METTL24: variants seen among roughly 807,000 people sequenced by gnomAD.
METTL24 encodes probable methyltransferase-like protein 24.
A neutral mutation model predicts 32.7 loss-of-function variants in METTL24; 29 were observed. That is an observed-to-expected ratio of 0.89 (90% CI 0.66 to 1.21). The LOEUF is 1.21. Among genes scored for constraint, METTL24 ranks in the 50% most tolerant of loss-of-function variants. METTL24 has a pLI of 0.00. For missense variants in METTL24, 439 were observed against 468.1 expected, an observed-to-expected ratio of 0.94 and a Z score of 0.57; for synonymous variants, 163 against 179.5, an observed-to-expected ratio of 0.91 and a Z score of 0.73.
intron 2 of METTL24, among the ~76,000 whole-genome samples, chr6:110,319,881 T>C (rs1771901287): frequency 6.6e-6 from 1 of 152,190 alleles, no homozygotes; most frequent in Non-Finnish European, 1.5e-5. Flanking sequence ...TCTCATGCCA[T>C]GCTGTCCTAT....
intron 4 of METTL24, 106 bp downstream of exon 4, chr6:110,298,816 G>A: frequency 2.2e-6 from 2 of 901,820 alleles, no homozygotes; most frequent in Non-Finnish European, 3.4e-6. Flanking sequence ...ATTAAAATCG[G>A]ACCTTCAGCT....
chr6:110,254,050 C>T, intron 4 of METTL24: 1 of 935,204 alleles, frequency 1.1e-6, no homozygotes, highest in Non-Finnish European at 1.4e-6. Context: ...GGGAAAAGAG[C>T]TCTCCTGCTT....
intron 3 of METTL24, among the ~76,000 whole-genome samples, chr6:110,301,514 G>A (rs538803387): frequency 6.6e-6 from 1 of 152,230 alleles, no homozygotes; most frequent in Non-Finnish European, 1.5e-5. Context: ...CTCTTACACT[G>A]TCATCATGAT....
Position 110,280,795 on chromosome 6 carries a change from G to A in METTL24, c.786+18127C>T, listed in dbSNP as rs760139053. ...GCCTCCCAAGTAGCTAGGACTGCAG[G>A]CCTGTGCCACCACACCCAACCAATG... On this transcript the variant is annotated intron_variant, in intron 4 of 4. Coordinates refer to ENST00000338882, the MANE Select transcript of METTL24 (RefSeq NM_001123364.3). Among the ~76,000 whole-genome samples the A allele has an allele frequency of 1.1e-3, 173 of 152,100 alleles. 1 individual carries two copies. Among genetic ancestry groups the A allele is most frequent in the Admixed American group, 4.0e-3 (61 of 15,260 alleles).
intron 4 of METTL24, among the ~76,000 whole-genome samples, chr6:110,287,365 A>G (rs1355838251): frequency 1.3e-5 from 2 of 152,228 alleles, no homozygotes; most frequent in African/African-American, 4.8e-5. Context: ...ATTCAGCACC[A>G]TGAATGACTC....
intron 4 of METTL24, among the ~76,000 whole-genome samples, chr6:110,255,240 A>G (rs933781544): frequency 1.3e-5 from 2 of 152,224 alleles, no homozygotes; most frequent in African/African-American, 4.8e-5. Flanking sequence ...ATGAATTAAA[A>G]AGGAAATGAG....
intron 4 of METTL24, among the ~76,000 whole-genome samples, chr6:110,285,036 C>T (rs1771196384): frequency 6.6e-6 from 1 of 152,202 alleles, no homozygotes. Flanking sequence ...AGAATAATCT[C>T]CATTTTCTGA....
At chr6:110,321,670 T>A (rs1259218632) in intron 2 of METTL24, among the ~76,000 whole-genome samples, 1 of 152,218 alleles carries the variant, frequency 6.6e-6, no homozygotes, top group African/African-American at 2.4e-5. Flanking sequence ...GCACAGGGAC[T>A]AATTCAACAG....
intron 1 of METTL24, among the ~76,000 whole-genome samples, chr6:110,336,567 C>T (rs757410975): frequency 1.3e-5 from 2 of 151,854 alleles, no homozygotes; most frequent in African/African-American, 2.4e-5. Context: ...GGTGAAACCC[C>T]GTCTCTACTA....
chr6:110,336,192 C>T (rs1252108519), intron 1 of METTL24, among the ~76,000 whole-genome samples: 1 of 152,174 alleles, frequency 6.6e-6, no homozygotes, highest in Non-Finnish European at 1.5e-5. Flanking sequence ...AGGATTTGGG[C>T]CTTTCTGATG....
At position 110,335,577 on chromosome 6, in the gene METTL24, T is replaced by G. The variant is rs982369299; in HGVS notation, c.319-12705A>C. ...TGTAGGGAATCATTGTTTTTTTTTT[T>G]TTTTTTTTTTTTTTTTTATGAAAAA... On this transcript the variant is annotated intron_variant, in intron 1 of 4. Transcript: ENST00000338882. Among the ~76,000 whole-genome samples the G allele has an allele frequency of 6.2e-4, 91 of 146,126 alleles. 1 individual carries two copies. Among genetic ancestry groups the G allele is most frequent in the Admixed American group, 2.0e-3 (30 of 14,702 alleles).
chr6:110,323,887 T>C (rs75459970), intron 1 of METTL24, among the ~76,000 whole-genome samples: 2,266 of 152,002 alleles, frequency 0.015, 64 homozygotes, highest in African/African-American at 0.052. Context: ...GGTGAGGAAG[T>C]AGGCAGGGGA....
intron 3 of METTL24, among the ~76,000 whole-genome samples, chr6:110,304,232 A>T (rs1166102275): frequency 6.6e-6 from 1 of 152,242 alleles, no homozygotes; most frequent in African/African-American, 2.4e-5. Context: ...AAAAAGGCTG[A>T]AAATTCCAAA....
At chr6:110,254,478 A>G (rs1283975642) in intron 4 of METTL24, among the ~76,000 whole-genome samples, 2 of 152,096 alleles carry the variant, frequency 1.3e-5, no homozygotes, top group Non-Finnish European at 1.5e-5. Context: ...CTAAAAATAC[A>G]AAAATTATCT....
chr6:110,258,482 C>A (rs1481792181), intron 4 of METTL24, among the ~76,000 whole-genome samples: 1 of 151,992 alleles, frequency 6.6e-6, no homozygotes, highest in East Asian at 1.9e-4. Context: ...ACACTATAGG[C>A]ACTTGGCAGG....
At chr6:110,337,751 A>AT (rs1188153776) in intron 1 of METTL24, among the ~76,000 whole-genome samples, 1 of 152,224 alleles carries the variant, frequency 6.6e-6, no homozygotes, top group Non-Finnish European at 1.5e-5. Context: ...GTCAGTTCAG[A>AT]TTCCACTTAT....
Position 110,336,235 on chromosome 6 carries a change from G to T in METTL24, c.319-13363C>A, listed in dbSNP as rs373413340. ...GTGGTATATGTAAGTAGGGGCAGGG[G>T]CCAGCCCGAGTCCCTGAATGACAGC... On this transcript the variant is annotated intron_variant, in intron 1 of 4. Coordinates refer to ENST00000338882, the MANE Select transcript of METTL24 (RefSeq NM_001123364.3). Among the ~76,000 whole-genome samples the T allele has an allele frequency of 5.0e-4, 76 of 152,322 alleles. 1 individual carries two copies. The East Asian group carries it at 0.01, about 20-fold the overall frequency.
chr6:110,349,110 C>CGATGTCCATTTGT (rs1562245983), intron 1 of METTL24, among the ~76,000 whole-genome samples: 1 of 152,126 alleles, frequency 6.6e-6, no homozygotes, highest in African/African-American at 2.4e-5. Context: ...ATGACCTAGA[C>CGATGTCCATTTGT]GATGTCCATT....
intron 1 of METTL24, among the ~76,000 whole-genome samples, chr6:110,336,481 C>T (rs1582435374): frequency 6.6e-6 from 1 of 152,166 alleles, no homozygotes; most frequent in African/African-American, 2.4e-5. Context: ...TGGCTCATGC[C>T]TGTAATCCCA....
Sources: allele counts gnomAD v4.1 joint callset (sites outside exome capture counted in the v4.1 genomes callset), GRCh38; gene constraint gnomAD v4.1.1; transcripts MANE v1.5; gene names NCBI Gene and HGNC (gene_info 2026-07-23, HGNC 2026-07-21).